NBEA: variants seen among roughly 807,000 people sequenced by gnomAD.
NBEA encodes lysosomal-trafficking regulator 2.
In NBEA, 44 loss-of-function variants were observed where a neutral mutation model predicts 343.4. The observed-to-expected ratio is 0.13, with a 90% CI of 0.10 to 0.16. The LOEUF is 0.16. NBEA is among the 10% of genes least tolerant of loss of function. The pLI, the probability that NBEA is intolerant of heterozygous loss-of-function variation, is 1.00. For synonymous variants in NBEA, 1,175 were observed against 1,238.7 expected, an observed-to-expected ratio of 0.95 and a Z score of 1.08; for missense variants, 2,555 against 3,631.3, an observed-to-expected ratio of 0.70 and a Z score of 7.62.
At chr13:35,442,356 C>T (rs747106744) in intron 39 of NBEA, among the ~76,000 whole-genome samples, 2 of 151,890 alleles carry the variant, frequency 1.3e-5, no homozygotes, top group Admixed American at 6.6e-5. Context: ...ATGTGCCCTG[C>T]GATTTTTAGT....
intron 17 of NBEA, among the ~76,000 whole-genome samples, chr13:35,135,771 A>G (rs1566343220): frequency 6.6e-6 from 1 of 151,520 alleles, no homozygotes; most frequent in Non-Finnish European, 1.5e-5. Flanking sequence ...ATACGTGTAT[A>G]TCTATATATA....
At chr13:35,628,051 G>A in intron 48 of NBEA, 30 bp from the exon 49 acceptor site, 2 of 1,576,572 alleles carry the variant, frequency 1.3e-6, no homozygotes, top group Non-Finnish European at 1.7e-6. Flanking sequence ...AGTTTTGATG[G>A]TCTCTCATTT....
At chr13:35,350,499 A>T (rs1294359916) in intron 37 of NBEA, among the ~76,000 whole-genome samples, 1 of 151,946 alleles carries the variant, frequency 6.6e-6, no homozygotes, top group East Asian at 1.9e-4. Flanking sequence ...ACACACACCA[A>T]TTTTTCACTC....
intron 11 of NBEA, among the ~76,000 whole-genome samples, chr13:35,103,618 T>C (rs2065765247): frequency 6.6e-6 from 1 of 151,880 alleles, no homozygotes; most frequent in Admixed American, 6.6e-5. Context: ...CTCCTATTTT[T>C]AGTTCCACTT....
chr13:35,010,024 G>C (rs1166211039), intron 1 of NBEA, among the ~76,000 whole-genome samples: 1 of 152,158 alleles, frequency 6.6e-6, no homozygotes, highest in East Asian at 1.9e-4. Context: ...ATAGGCAGAA[G>C]ATCAAGAGTT....
intron 16 of NBEA, 67 bp downstream of exon 16, chr13:35,118,541 T>A: frequency 1.8e-6 from 2 of 1,112,220 alleles, no homozygotes; most frequent in Non-Finnish European, 2.6e-6. Flanking sequence ...CTAGAATAAC[T>A]GCTATTCTAT....
At chr13:35,347,107 A>C (rs1485768899) in intron 36 of NBEA, among the ~76,000 whole-genome samples, 1 of 152,124 alleles carries the variant, frequency 6.6e-6, no homozygotes, top group Non-Finnish European at 1.5e-5. Flanking sequence ...TTTAAACAAT[A>C]AATTAGAAAT....
At chr13:35,438,929 G>A (rs2045586530) in intron 39 of NBEA, among the ~76,000 whole-genome samples, 1 of 152,144 alleles carries the variant, frequency 6.6e-6, no homozygotes, top group Non-Finnish European at 1.5e-5. Context: ...GTTTTCTGTT[G>A]AAGGTTCAGA....
intron 41 of NBEA, among the ~76,000 whole-genome samples, chr13:35,494,676 A>G (rs1479989913): frequency 2.0e-5 from 3 of 152,032 alleles, no homozygotes; most frequent in African/African-American, 4.8e-5. Context: ...TGTAAATCCA[A>G]CCATATCAAT....
chr13:35,649,813 A>G lies in NBEA; in HGVS notation c.7929A>G (p.Arg2643=). Residue 2643 remains arginine, a synonymous_variant, in exon 52 of 59, where the codon CGA becomes CGG. Coordinates refer to ENST00000379939, the MANE Select transcript of NBEA (RefSeq NM_001385012.1). ...CAGTGGTGACAGTGACTTGCAGCCG[A>G]CTCTTTGCAGTGAATAGATGGCACA... ...IPAVVTVTCS[R]LFAVNRWHNT... 2 of 1,613,894 alleles carry G rather than the reference A, an allele frequency of 1.2e-6. No individual in the cohort carries two copies. The highest frequency in any genetic ancestry group is 1.7e-6 in the Non-Finnish European group (2 of 1,179,870).
In NBEA at chr13:35,430,797, A is replaced by C. The variant is rs191471131; in HGVS notation, c.6180-1472A>C. On this transcript the variant is annotated intron_variant, in intron 38 of 58. Transcript: ENST00000379939. ...TGGTCTTCCTTAAATTACTGGGATTAGTTTGTATTTGTAAGGACAGAAATC... is the reference window on the plus strand; with the variant it reads ...TGGTCTTCCTTAAATTACTGGGATTCGTTTGTATTTGTAAGGACAGAAATC... 2.5e-3 allele frequency among the ~76,000 whole-genome samples: 384 copies of C among 152,278 alleles called. 1 individual carries two copies. The highest frequency in any genetic ancestry group is 8.7e-3 in the African/African-American group (362 of 41,552).
intron 6 of NBEA, among the ~76,000 whole-genome samples, chr13:35,053,973 A>G (rs2063154641): frequency 6.6e-6 from 1 of 152,160 alleles, no homozygotes; most frequent in Non-Finnish European, 1.5e-5. Context: ...TCATGTCTTT[A>G]TGAAGTAAAA....
intron 41 of NBEA, among the ~76,000 whole-genome samples, chr13:35,488,449 A>G (rs1005810795): frequency 6.6e-6 from 1 of 151,908 alleles, no homozygotes; most frequent in African/African-American, 2.4e-5. Context: ...TACTTTATGT[A>G]TTTTGGCATT....
intron 55 of NBEA, among the ~76,000 whole-genome samples, chr13:35,658,141 A>G (rs1157973958): frequency 6.6e-6 from 1 of 152,184 alleles, no homozygotes; most frequent in African/African-American, 2.4e-5. Flanking sequence ...CTTAAGAACA[A>G]AAATATGGAT....
chr13:35,415,692 G>A (rs2152920030), intron 38 of NBEA, among the ~76,000 whole-genome samples: 1 of 152,132 alleles, frequency 6.6e-6, no homozygotes, highest in Non-Finnish European at 1.5e-5. Context: ...TGTTCTTTTG[G>A]CTTAGGATTG....
In NBEA at chr13:35,058,650, G is replaced by A. The variant is rs182425410; in HGVS notation, c.1093-67G>A. 216 of 1,250,200 alleles carry A rather than the reference G, an allele frequency of 1.7e-4. No homozygotes were observed. The African/African-American group carries it at 3.0e-3, about 17-fold the overall frequency. The allele number at this position is 1,250,200 out of a possible 1,614,324, so 77.4% of individuals were successfully genotyped here. On this transcript the variant is annotated intron_variant, in intron 7 of 58. Transcript: ENST00000379939. ...TAAAATATTCATGATAATGAAGGCC[G>A]ATTTAAGGATTTAAACCTTTTTGTC...
intron 38 of NBEA, among the ~76,000 whole-genome samples, chr13:35,408,814 G>A (rs1168072329): frequency 3.3e-5 from 5 of 152,092 alleles, no homozygotes; most frequent in East Asian, 1.9e-4. Flanking sequence ...TCTCACACCC[G>A]TCAGAATATG....
intron 38 of NBEA, among the ~76,000 whole-genome samples, chr13:35,377,133 TA>T (rs1566048254): frequency 6.6e-6 from 1 of 152,088 alleles, no homozygotes; most frequent in African/African-American, 2.4e-5. Flanking sequence ...TTGACCAAAA[TA>T]AAAAAAGTGA....
chr13:35,603,894 G>A (rs772721053), intron 47 of NBEA, among the ~76,000 whole-genome samples: 6 of 152,162 alleles, frequency 3.9e-5, no homozygotes, highest in Non-Finnish European at 5.9e-5. Context: ...CCTTCTCTGC[G>A]CCTTTTACTA....
Sources: allele counts gnomAD v4.1 joint callset (sites outside exome capture counted in the v4.1 genomes callset), GRCh38; gene constraint gnomAD v4.1.1; transcripts MANE v1.5; gene names NCBI Gene and HGNC (gene_info 2026-07-23, HGNC 2026-07-21).